The following EEFSEC variants were observed in gnomAD, a reference collection of about 807,000 sequenced individuals.
The protein encoded by EEFSEC is eukaryotic elongation factor, selenocysteine-tRNA specific.
A neutral mutation model predicts 42.1 loss-of-function variants in EEFSEC; 43 were observed. The ratio of observed to expected loss-of-function variants is 1.02; its 90% confidence interval spans 0.80 to 1.32. The LOEUF is 1.32. Among genes scored for constraint, EEFSEC ranks in the 40% most tolerant of loss-of-function variants. The pLI is 0.00. For synonymous variants in EEFSEC, 354 were observed against 339.1 expected, an observed-to-expected ratio of 1.04 and a Z score of -0.48; for missense variants, 745 against 803.6, an observed-to-expected ratio of 0.93 and a Z score of 0.88.
intron 6 of EEFSEC, among the ~76,000 whole-genome samples, chr3:128,374,521 G>A (rs1015824748): frequency 6.6e-6 from 1 of 152,060 alleles, no homozygotes. Flanking sequence ...GTGGGTGAGT[G>A]GGGGAGACCT....
chr3:128,348,954 G>T (rs914676122), intron 5 of EEFSEC, among the ~76,000 whole-genome samples: 1 of 152,206 alleles, frequency 6.6e-6, no homozygotes, highest in Non-Finnish European at 1.5e-5. Flanking sequence ...AGGAAACAAG[G>T]AACTCTGCCA....
chr3:128,262,115 T>C lies in EEFSEC; in HGVS notation c.525-13T>C, dbSNP rs781165633. On this transcript the variant is annotated splice_polypyrimidine_tract_variant and intron_variant, in intron 2 of 6. Transcript: ENST00000254730. ...ATCTCTGTAACTGTGATGGGACTTA[T>C]TTTCCATTTCAGGTTCCGAGGTGCA... is the stretch of plus-strand genomic sequence containing the variant. The C allele has an allele frequency of 1.9e-6, 3 of 1,613,600 alleles. No individual in the cohort carries two copies. Among genetic ancestry groups the C allele is most frequent in the Non-Finnish European group, 2.5e-6 (3 of 1,179,718 alleles).
At chr3:128,389,483 G>A (rs937407700) in intron 6 of EEFSEC, among the ~76,000 whole-genome samples, 8 of 152,240 alleles carry the variant, frequency 5.3e-5, no homozygotes, top group Non-Finnish European at 8.8e-5. Flanking sequence ...GTGGTTGGTG[G>A]TAAACCCAGG....
intron 6 of EEFSEC, among the ~76,000 whole-genome samples, chr3:128,399,509 T>G (rs1157482139): frequency 2.0e-5 from 3 of 152,146 alleles, no homozygotes; most frequent in African/African-American, 7.2e-5. Context: ...CTTAATCACC[T>G]TATCTTTTTA....
At chr3:128,342,927 C>T (rs914559189) in intron 5 of EEFSEC, among the ~76,000 whole-genome samples, 1 of 152,224 alleles carries the variant, frequency 6.6e-6, no homozygotes, top group East Asian at 1.9e-4. Flanking sequence ...CCAAACCTTG[C>T]CGTCTCTTCT....
chr3:128,405,896 C>T (rs1226498659), intron 6 of EEFSEC, among the ~76,000 whole-genome samples: 1 of 152,226 alleles, frequency 6.6e-6, no homozygotes, highest in Non-Finnish European at 1.5e-5. Context: ...TGGTGGGACA[C>T]CTCCTTGGCA....
Position 128,264,703 on chromosome 3 carries a change from C to G in EEFSEC, c.708C>G (p.Gly236=). 6.2e-7 allele frequency: 1 copy of G among 1,614,144 alleles called. No individual in the cohort carries two copies. Among genetic ancestry groups the G allele is most frequent in the Non-Finnish European group, 8.5e-7 (1 of 1,180,006 alleles). ...TGGACCACTGTTTCTCCATCAAAGG[C>G]CAAGGCACTGTGATGACAGGGACCA... The part of the protein sequence containing the change: ...MSVDHCFSIK[G]QGTVMTGTIL... Residue 236 remains glycine, a synonymous_variant, in exon 4 of 7, where the codon GGC becomes GGG. Transcript: ENST00000254730.
chr3:128,224,540 A>T (rs2065890343), intron 1 of EEFSEC, among the ~76,000 whole-genome samples: 1 of 152,230 alleles, frequency 6.6e-6, no homozygotes, highest in Non-Finnish European at 1.5e-5. Context: ...CAAAGAGAAC[A>T]AACATTCATG....
At chr3:128,393,921 G>A (rs1174581740) in intron 6 of EEFSEC, among the ~76,000 whole-genome samples, 1 of 152,180 alleles carries the variant, frequency 6.6e-6, no homozygotes, top group Non-Finnish European at 1.5e-5. Flanking sequence ...AGGCCTGAGA[G>A]CTGAGGTGGA....
At chr3:128,244,147 C>T (rs937440807) in intron 1 of EEFSEC, among the ~76,000 whole-genome samples, 2 of 152,184 alleles carry the variant, frequency 1.3e-5, no homozygotes, top group African/African-American at 4.8e-5. Context: ...GGAAAATAGG[C>T]TGGGCCCCCA....
chr3:128,270,376 A>G (rs1250297226), intron 4 of EEFSEC, among the ~76,000 whole-genome samples: 2 of 152,216 alleles, frequency 1.3e-5, no homozygotes, highest in Non-Finnish European at 2.9e-5. Context: ...ACTATGGTCC[A>G]CTATGAATCC....
At chr3:128,263,247 A>G (rs2066317578) in intron 3 of EEFSEC, among the ~76,000 whole-genome samples, 1 of 152,222 alleles carries the variant, frequency 6.6e-6, no homozygotes, top group Admixed American at 6.5e-5. Flanking sequence ...CTGAGATTCA[A>G]AGATGTTAAA....
intron 2 of EEFSEC, among the ~76,000 whole-genome samples, chr3:128,248,596 A>G (rs2066151879): frequency 6.6e-6 from 1 of 152,200 alleles, no homozygotes; most frequent in East Asian, 1.9e-4. Flanking sequence ...AAAAAATTAT[A>G]TCTTCTTTTT....
In EEFSEC at chr3:128,341,862, GAAGCAC is replaced by G. The variant is rs772141765; in HGVS notation, c.1422_1427del (p.Lys475_His476del). 6.2e-6 allele frequency: 10 copies of G among 1,613,732 alleles called. No homozygotes were observed. In the East Asian group the frequency reaches 1.8e-4, roughly 29 times the overall value. ...TGCCCAGGCTGAAGGTGTACAAGCTGAAGCACAAGCATGGCCTTGTGGAGCGGGTGA... is the reference window on the plus strand; with the variant it reads ...TGCCCAGGCTGAAGGTGTACAAGCTGAAGCATGGCCTTGTGGAGCGGGTGA... On this transcript the variant is annotated inframe_deletion, in exon 5 of 7. Transcript: ENST00000254730.
chr3:128,159,893 G>A (rs542884725), intron 1 of EEFSEC, among the ~76,000 whole-genome samples: 11 of 152,228 alleles, frequency 7.2e-5, no homozygotes, highest in African/African-American at 2.4e-4. Flanking sequence ...TTCACTACCT[G>A]ACGTTCTTCA....
intron 4 of EEFSEC, among the ~76,000 whole-genome samples, chr3:128,288,366 A>G (rs1417000156): frequency 1.3e-5 from 2 of 152,204 alleles, no homozygotes; most frequent in East Asian, 3.8e-4. Flanking sequence ...GACCAGAAGA[A>G]TAAAGAATAT....
chr3:128,228,639 A>G (rs554722540), intron 1 of EEFSEC, among the ~76,000 whole-genome samples: 3 of 152,128 alleles, frequency 2.0e-5, no homozygotes, highest in East Asian at 3.9e-4. Context: ...ACAGAGGGCA[A>G]CATAGCACTA....
chr3:128,251,805 ACT>A (rs1463219065), intron 2 of EEFSEC, among the ~76,000 whole-genome samples: 1 of 148,668 alleles, frequency 6.7e-6, no homozygotes, highest in African/African-American at 2.5e-5. Context: ...ATGTAGTCAA[ACT>A]CTTTGTTCTT....
chr3:128,307,694 C>T (rs2066846099), intron 4 of EEFSEC, among the ~76,000 whole-genome samples: 1 of 152,206 alleles, frequency 6.6e-6, no homozygotes, highest in Non-Finnish European at 1.5e-5. Flanking sequence ...GCATCTGGCA[C>T]TGGGCATTAA....
Sources: allele counts gnomAD v4.1 joint callset (sites outside exome capture counted in the v4.1 genomes callset), GRCh38; gene constraint gnomAD v4.1.1; transcripts MANE v1.5; gene names NCBI Gene and HGNC (gene_info 2026-07-23, HGNC 2026-07-21).